Variants in EPHX1 observed in about 807,000 individuals in gnomAD.
EPHX1 encodes epoxide hydratase.
Under a neutral mutation model 43.2 loss-of-function variants are expected in EPHX1, and 40 were observed. That is an observed-to-expected ratio of 0.93 (90% CI 0.72 to 1.21). The LOEUF is 1.21. Ranked by LOEUF, EPHX1 falls within the 50% of genes most tolerant of loss-of-function variation. EPHX1 has a pLI of 0.00. For synonymous variants in EPHX1, 221 were observed against 226.7 expected (o/e 0.98, Z 0.22); for missense variants, 550 against 570.4 (o/e 0.96, Z 0.36).
chr1:225,844,745 A>G lies in EPHX1; in HGVS notation c.1166+122A>G, dbSNP rs1463096850. 6 of 1,479,930 alleles carry G rather than the reference A, an allele frequency of 4.1e-6. No homozygotes were observed. The African/African-American group carries it at 8.4e-5, about 21-fold the overall frequency. 91.7% of individuals were successfully genotyped at this position (1,479,930 alleles called of 1,614,324 possible). On this transcript the variant is annotated intron_variant, in intron 8 of 8. Transcript: ENST00000272167. ...GTATAGCCTTGCCTGCAGGTGCCCC[A>G]GGGGCCCTTGGATGGGAACACTAAA... is the stretch of plus-strand genomic sequence containing the variant.
chr1:225,813,552 C>T (rs967903576), intron 1 of EPHX1, among the ~76,000 whole-genome samples: 12 of 152,192 alleles, frequency 7.9e-5, no homozygotes, highest in African/African-American at 2.7e-4. Flanking sequence ...TCCAATCCTC[C>T]GTTATATAAC....
rs373049369 is a variant in EPHX1, at chr1:225,845,309, G to A, written c.1330G>A (p.Asp444Asn). Residue 444 changes from aspartate to asparagine, a missense_variant, in exon 9 of 9, where the codon GAC (aspartate) becomes AAC (asparagine). Physicochemically the swap from Asp to Asn is conservative, Grantham distance 23. Coordinates refer to ENST00000272167, the MANE Select transcript of EPHX1 (RefSeq NM_001136018.4). ...TGAGGAGCCGGAGCTGCTCGCCCAG[G>A]ACATCCGCAAGTTCCTGTCGGTGCT... ...AFEEPELLAQ[D>N]IRKFLSVLER... 106 of 1,612,280 alleles carry A rather than the reference G, an allele frequency of 6.6e-5. No individual in the cohort carries two copies. Among genetic ancestry groups the A allele is most frequent in the Admixed American group, 8.3e-5 (5 of 60,012 alleles).
rs147296174 is a variant in EPHX1, at chr1:225,838,742, C to T, written c.453C>T (p.Pro151=). The change falls in exon 4 of 9, where the codon CCC becomes CCT. Residue 151 remains proline (P), a synonymous_variant. Transcript: ENST00000272167. ...CCTTGCTGATGGTGCACGGCTGGCC[C>T]GGCTCTTTCTACGAGTTTTATAAGA... is the stretch of plus-strand genomic sequence containing the variant. The part of the protein sequence containing the change: ...PKPLLMVHGW[P]GSFYEFYKII... 85 of 1,614,196 alleles carry T rather than the reference C, an allele frequency of 5.3e-5. No homozygotes were observed. In the African/African-American group the frequency reaches 7.6e-4, roughly 14 times the overall value.
chr1:225,823,511 T>C (rs1667078190), intron 1 of EPHX1, among the ~76,000 whole-genome samples: 1 of 152,194 alleles, frequency 6.6e-6, no homozygotes, highest in Non-Finnish European at 1.5e-5. Flanking sequence ...GGCCCCCTCT[T>C]TCCCTGGCTG....
chr1:225,812,853 T>G (rs1006379032), intron 1 of EPHX1, among the ~76,000 whole-genome samples: 5 of 152,184 alleles, frequency 3.3e-5, no homozygotes, highest in African/African-American at 1.2e-4. Flanking sequence ...AGATAGTGAT[T>G]CGAGGGGTGC....
intron 8 of EPHX1, 87 bp from the exon 9 acceptor site, chr1:225,845,059 A>T (rs1576053137): frequency 3.5e-6 from 5 of 1,423,300 alleles, no homozygotes; most frequent in Non-Finnish European, 4.9e-6. Context: ...AGCTGATCTC[A>T]CCCCCAGGCG....
chr1:225,838,196 G>C (rs948412033), intron 3 of EPHX1, among the ~76,000 whole-genome samples: 1 of 152,184 alleles, frequency 6.6e-6, no homozygotes, highest in African/African-American at 2.4e-5. Context: ...TGTCAGTTTA[G>C]ATGACTGTAC....
At position 225,844,461 on chromosome 1, in the gene EPHX1, G is replaced by A; in HGVS notation, c.1041-37G>A. On this transcript the variant is annotated intron_variant, in intron 7 of 8. Transcript: ENST00000272167. ...TGCCCTTTGTCACACAACTGCATGTGGCACTGAGAGTGGGGCTTTGTGTTC... is the reference window on the plus strand; with the variant it reads ...TGCCCTTTGTCACACAACTGCATGTAGCACTGAGAGTGGGGCTTTGTGTTC... The A allele has an allele frequency of 2.0e-6, 3 of 1,480,334 alleles. No individual in the cohort carries two copies. In the Middle Eastern group the frequency reaches 5.6e-4, roughly 278 times the overall value. 91.7% of individuals were successfully genotyped at this position (1,480,334 alleles called of 1,614,324 possible). A position where few individuals can be genotyped will look rare whatever the true frequency, so the allele number is the denominator to read the frequency against.
intron 7 of EPHX1, among the ~76,000 whole-genome samples, chr1:225,843,697 T>C (rs80269059): frequency 0.06 from 9,132 of 152,240 alleles, 350 homozygotes; most frequent in African/African-American, 0.11. Context: ...ATCTGTGTTC[T>C]AGAAAGAACA....
At chr1:225,824,725 G>C (rs1667147417) in intron 1 of EPHX1, among the ~76,000 whole-genome samples, 2 of 152,210 alleles carry the variant, frequency 1.3e-5, no homozygotes, top group African/African-American at 4.8e-5. Flanking sequence ...TCCTCCCCAG[G>C]GTGGGCTCCT....
chr1:225,827,659 G>A (rs899973403), intron 1 of EPHX1, among the ~76,000 whole-genome samples: 4 of 152,178 alleles, frequency 2.6e-5, no homozygotes, highest in African/African-American at 7.2e-5. Context: ...GTAGGGGAGC[G>A]ACAGCTGAAG....
In EPHX1 at chr1:225,831,852, A is replaced by C. The variant is rs1374456663; in HGVS notation, c.257A>C (p.Asn86Thr). 2 of 1,614,078 alleles carry C rather than the reference A, an allele frequency of 1.2e-6. No individual in the cohort carries two copies. Among genetic ancestry groups the C allele is most frequent in the Admixed American group, 3.3e-5 (2 of 59,998 alleles). Residue 86 changes from asparagine to threonine, a missense_variant, in exon 3 of 9, where the codon AAC becomes ACC. By Grantham distance (65) the Asn-to-Thr change is moderately conservative (BLOSUM62 0). Transcript: ENST00000272167. ...LEDSCFHYGF[N>T]SNYLKKVISY... ...GACAGCTGCTTCCACTATGGCTTCAACTCCAACTACCTGAAGAAAGTCATC... is the reference window on the plus strand; with the variant it reads ...GACAGCTGCTTCCACTATGGCTTCACCTCCAACTACCTGAAGAAAGTCATC...
rs773636478 is a variant in EPHX1, at chr1:225,828,880, T to G, written c.151T>G (p.Phe51Val). ...AAREDDSIRP[F>V]KVETSDEEIH... ...CAGGGAGGACGACAGCATCCGCCCT[T>G]TCAAGGTGGAAACGTCAGATGAGGA... The change falls in exon 2 of 9, where the codon TTC becomes GTC. Residue 51 changes from phenylalanine (F) to valine (V), a missense_variant. Transcript: ENST00000272167. 3.8e-6 allele frequency: 6 copies of G among 1,596,470 alleles called. No individual in the cohort carries two copies. Among genetic ancestry groups the G allele is most frequent in the Non-Finnish European group, 5.1e-6 (6 of 1,169,766 alleles).
chr1:225,833,596 C>G (rs543442004), intron 3 of EPHX1, among the ~76,000 whole-genome samples: 1 of 151,034 alleles, frequency 6.6e-6, no homozygotes, highest in Non-Finnish European at 1.5e-5. Context: ...GAGGTTGAGA[C>G]CATCGTAGCT....
chr1:225,830,552 C>T (rs1248774759), intron 2 of EPHX1, among the ~76,000 whole-genome samples: 2 of 152,166 alleles, frequency 1.3e-5, no homozygotes, highest in African/African-American at 4.8e-5. Context: ...GCAACCTCCG[C>T]CTCCTGGGTT....
rs745663475 is a variant in EPHX1, at chr1:225,844,508, C to G, written c.1051C>G (p.Leu351Val). Residue 351 changes from leucine to valine, a missense_variant, in exon 8 of 9, where the codon CTG (leucine) becomes GTG (valine). Coordinates refer to ENST00000272167, the MANE Select transcript of EPHX1 (RefSeq NM_001136018.4). Reference sequence around the variant, plus strand: ...GTTCTGCGTTCCCAGGAAGTTCTCCCTGGACGACCTGCTGACCAACGTCAT... The same window carrying G: ...GTTCTGCGTTCCCAGGAAGTTCTCCGTGGACGACCTGCTGACCAACGTCAT... ...EDGGLERKFS[L>V]DDLLTNVMLY... The G allele has an allele frequency of 6.2e-7, 1 of 1,614,144 alleles. No homozygotes were observed. Among genetic ancestry groups the G allele is most frequent in the East Asian group, 2.2e-5 (1 of 44,884 alleles).
intron 2 of EPHX1, among the ~76,000 whole-genome samples, chr1:225,831,326 A>T (rs1192251224): frequency 6.6e-6 from 1 of 152,216 alleles, no homozygotes; most frequent in Non-Finnish European, 1.5e-5. Context: ...AGGCAGACAG[A>T]TCACTTGAAG....
rs766545273 is a variant in EPHX1 at position 225,838,733 on chromosome 1, C to T, written c.444C>T (p.His148=). 1.6e-5 allele frequency: 26 copies of T among 1,614,034 alleles called. No homozygotes were observed. Among genetic ancestry groups the T allele is most frequent in the South Asian group, 1.3e-4 (12 of 91,076 alleles). The part of the protein sequence containing the change: ...GHTPKPLLMV[H]GWPGSFYEFY... ...CCCCGAAGCCCTTGCTGATGGTGCACGGCTGGCCCGGCTCTTTCTACGAGT... is the reference window on the plus strand; with the variant it reads ...CCCCGAAGCCCTTGCTGATGGTGCATGGCTGGCCCGGCTCTTTCTACGAGT... Residue 148 remains histidine, a synonymous_variant, in exon 4 of 9, where the codon CAC becomes CAT. Coordinates refer to ENST00000272167, the MANE Select transcript of EPHX1 (RefSeq NM_001136018.4).
intron 1 of EPHX1, among the ~76,000 whole-genome samples, chr1:225,812,329 G>T (rs945125802): frequency 6.6e-6 from 1 of 152,212 alleles, no homozygotes; most frequent in Non-Finnish European, 1.5e-5. Context: ...CAAGCCACAT[G>T]CTCTCTGCGT....
Sources: allele counts gnomAD v4.1 joint callset (sites outside exome capture counted in the v4.1 genomes callset), GRCh38; gene constraint gnomAD v4.1.1; transcripts MANE v1.5; gene names NCBI Gene and HGNC (gene_info 2026-07-23, HGNC 2026-07-21).